Variants in HACD2 observed in about 807,000 individuals in gnomAD.
HACD2 encodes the protein 3-hydroxyacyl-CoA dehydratase 2.
HACD2 carries 15 observed loss-of-function variants against 31.0 expected under a neutral mutation model. That is an observed-to-expected ratio of 0.48 (90% CI 0.32 to 0.75). HACD2 has a LOEUF of 0.75. Among genes scored for constraint, HACD2 ranks in the 30% least tolerant of loss-of-function variants. The pLI, the probability that HACD2 is intolerant of heterozygous loss-of-function variation, is 0.03. For synonymous variants in HACD2, 115 were observed against 122.2 expected (o/e 0.94, Z 0.39); for missense variants, 283 against 313.0 (o/e 0.90, Z 0.72).
chr3:123,504,161 T>A (rs1433602796), intron 4 of HACD2, among the ~76,000 whole-genome samples: 1 of 152,216 alleles, frequency 6.6e-6, no homozygotes, highest in Non-Finnish European at 1.5e-5. Flanking sequence ...CTCCAAATCC[T>A]TACTTGAATC....
intron 3 of HACD2, among the ~76,000 whole-genome samples, chr3:123,561,117 G>T (rs528247530): frequency 8.5e-5 from 13 of 152,294 alleles, no homozygotes; most frequent in Non-Finnish European, 1.5e-4. Context: ...GTTCAAGGGA[G>T]GATTCAGTTA....
At chr3:123,516,391 C>T (rs1485254461) in intron 4 of HACD2, among the ~76,000 whole-genome samples, 2 of 151,934 alleles carry the variant, frequency 1.3e-5, no homozygotes, top group Non-Finnish European at 2.9e-5. Context: ...CCCGCTGCGA[C>T]GCCCGGCTAA....
At chr3:123,505,191 A>G (rs2055959140) in intron 4 of HACD2, among the ~76,000 whole-genome samples, 1 of 152,232 alleles carries the variant, frequency 6.6e-6, no homozygotes, top group African/African-American at 2.4e-5. Context: ...GATTCTACTC[A>G]TATGTGGTAC....
In HACD2 at chr3:123,545,155, T is replaced by A. The variant is rs1395463019; in HGVS notation, c.293-16681A>T. Reference sequence around the variant, plus strand: ...GTACTAGCTGTTTTTTTTTTTTTTTTAAACAATGTGTATGTGTTACTTTAT... The same window carrying A: ...GTACTAGCTGTTTTTTTTTTTTTTTAAAACAATGTGTATGTGTTACTTTAT... On this transcript the variant is annotated intron_variant, in intron 3 of 6. Transcript: ENST00000383657. Among the ~76,000 whole-genome samples the A allele has an allele frequency of 2.0e-5, 3 of 150,620 alleles. No homozygotes were observed. The East Asian group carries it at 5.8e-4, about 29-fold the overall frequency.
intron 1 of HACD2, 110 bp downstream of exon 1, chr3:123,584,763 G>C (rs1461438585): frequency 1.1e-6 from 1 of 876,972 alleles, no homozygotes; most frequent in Non-Finnish European, 1.6e-6. Context: ...CCCCCCGCCG[G>C]GAATGCACTG....
At chr3:123,544,448 T>C (rs1381997300) in intron 3 of HACD2, among the ~76,000 whole-genome samples, 1 of 152,192 alleles carries the variant, frequency 6.6e-6, no homozygotes, top group East Asian at 1.9e-4. Context: ...CAATCTTCTG[T>C]AATATTCTGA....
At chr3:123,543,804 TTTC>T (rs1400359084) in intron 3 of HACD2, 2 of 202,302 alleles carry the variant, frequency 9.9e-6, no homozygotes, top group African/African-American at 4.8e-5. Context: ...GGGGGATTTT[TTTC>T]TTTTCATTAA....
At chr3:123,557,432 G>T (rs1385751911) in intron 3 of HACD2, among the ~76,000 whole-genome samples, 2 of 152,134 alleles carry the variant, frequency 1.3e-5, no homozygotes, top group Non-Finnish European at 2.9e-5. Flanking sequence ...GGTCACTTGA[G>T]GCCAAGACCA....
chr3:123,545,855 G>A (rs915004096), intron 3 of HACD2, among the ~76,000 whole-genome samples: 1 of 151,744 alleles, frequency 6.6e-6, no homozygotes, highest in African/African-American at 2.4e-5. Context: ...GGGATTACAG[G>A]CGTGCACCAC....
intron 3 of HACD2, among the ~76,000 whole-genome samples, chr3:123,540,901 G>A (rs932072972): frequency 6.6e-6 from 1 of 152,014 alleles, no homozygotes; most frequent in Admixed American, 6.6e-5. Flanking sequence ...AAAATTATTA[G>A]TATTTCTATT....
intron 3 of HACD2, among the ~76,000 whole-genome samples, chr3:123,537,107 A>C (rs2056435615): frequency 6.6e-6 from 1 of 152,246 alleles, no homozygotes; most frequent in Non-Finnish European, 1.5e-5. Context: ...TGCTATGAAC[A>C]ATAATAAATT....
At chr3:123,530,921 G>A (rs1426485056) in intron 3 of HACD2, among the ~76,000 whole-genome samples, 4 of 152,080 alleles carry the variant, frequency 2.6e-5, no homozygotes, top group Non-Finnish European at 5.9e-5. Context: ...AGGCTGGAGT[G>A]CAATGGCGCA....
At chr3:123,514,812 G>A (rs951623238) in intron 4 of HACD2, among the ~76,000 whole-genome samples, 1 of 152,206 alleles carries the variant, frequency 6.6e-6, no homozygotes, top group Non-Finnish European at 1.5e-5. Context: ...GATAATGATA[G>A]TTCCCATTAG....
intron 2 of HACD2, among the ~76,000 whole-genome samples, chr3:123,579,149 C>G (rs1174645356): frequency 1.3e-5 from 2 of 152,150 alleles, no homozygotes; most frequent in Non-Finnish European, 2.9e-5. Context: ...TCCTAAATCC[C>G]TATTAAAAAT....
chr3:123,570,186 C>T (rs1236911536), intron 2 of HACD2, among the ~76,000 whole-genome samples: 2 of 151,910 alleles, frequency 1.3e-5, no homozygotes, highest in African/African-American at 4.8e-5. Flanking sequence ...GCCTCCTCTA[C>T]CATTCTGAAA....
intron 2 of HACD2, 104 bp downstream of exon 2, chr3:123,582,108 T>C (rs908090406): frequency 8.5e-5 from 60 of 708,266 alleles, no homozygotes; most frequent in Non-Finnish European, 1.2e-4. Context: ...AATTTCAAAA[T>C]TTAACATGAA....
chr3:123,576,051 TG>T lies in HACD2; in HGVS notation c.273+6160del, dbSNP rs2056904363. ...CTAGATACATTGGTTCTATATATATTGTTTTTCTGTTATAATGTTTTGTAAT... is the reference window on the plus strand; with the variant it reads ...CTAGATACATTGGTTCTATATATATTTTTTTCTGTTATAATGTTTTGTAAT... On this transcript the variant is annotated intron_variant, in intron 2 of 6. Transcript: ENST00000383657. Among the ~76,000 whole-genome samples, 7 of 152,284 alleles carry T rather than the reference TG, an allele frequency of 4.6e-5. No homozygotes were observed. In the South Asian group the frequency reaches 1.4e-3, roughly 32 times the overall value.
At chr3:123,523,761 G>C (rs1316016595) in intron 4 of HACD2, among the ~76,000 whole-genome samples, 1 of 152,210 alleles carries the variant, frequency 6.6e-6, no homozygotes, top group East Asian at 1.9e-4. Context: ...TCTGTGAAGA[G>C]ATCTCCCTAA....
At chr3:123,552,810 T>C (rs905130178) in intron 3 of HACD2, among the ~76,000 whole-genome samples, 8 of 151,872 alleles carry the variant, frequency 5.3e-5, no homozygotes, top group African/African-American at 9.7e-5. Context: ...TAAAATTATA[T>C]CTGAAATGAA....
Sources: allele counts gnomAD v4.1 joint callset (sites outside exome capture counted in the v4.1 genomes callset), GRCh38; gene constraint gnomAD v4.1.1; transcripts MANE v1.5; gene names NCBI Gene and HGNC (gene_info 2026-07-23, HGNC 2026-07-21).